Variants in TRAPPC9 observed in about 807,000 individuals in gnomAD.
TRAPPC9 encodes the protein IKK2 binding protein.
In TRAPPC9, 83 loss-of-function variants were observed where a neutral mutation model predicts 124.0. The observed-to-expected ratio is 0.67, with a 90% confidence interval of 0.56 to 0.80. The LOEUF (loss-of-function observed/expected upper bound fraction) is 0.80. Among genes scored for constraint, TRAPPC9 ranks in the 30% least tolerant of loss-of-function variants. The pLI is 0.00. For missense variants in TRAPPC9, 1,302 were observed against 1,508.3 expected, an observed-to-expected ratio of 0.86 and a Z score of 2.27; for synonymous variants, 638 against 617.5, an observed-to-expected ratio of 1.03 and a Z score of -0.49.
At chr8:139,841,874 A>G (rs894317512) in intron 21 of TRAPPC9, among the ~76,000 whole-genome samples, 13 of 152,220 alleles carry the variant, frequency 8.5e-5, no homozygotes, top group Non-Finnish European at 1.6e-4. Flanking sequence ...TGCACAACAC[A>G]GGGAACTTCT....
At chr8:139,874,346 T>G (rs751307) in intron 21 of TRAPPC9, among the ~76,000 whole-genome samples, 56,197 of 152,116 alleles carry the variant, frequency 0.37, 10,855 homozygotes, top group East Asian at 0.66. Flanking sequence ...CAGCAAACCC[T>G]TACTGAGCAC....
Position 139,847,348 on chromosome 8 carries a change from T to A in TRAPPC9, c.3055+38531A>T, listed in dbSNP as rs534407585. ...ACCAATTTCCATCCTGGCTGAGGGA[T>A]GGAATCAATGCAATTAATTCAGTCA... On this transcript the variant is annotated intron_variant, in intron 21 of 22. Transcript: ENST00000438773. Among the ~76,000 whole-genome samples the A allele has an allele frequency of 3.9e-5, 6 of 152,364 alleles. 1 individual carries two copies. The Middle Eastern group carries it at 0.014, about 345-fold the overall frequency.
At chr8:140,223,224 T>C (rs559482837) in intron 16 of TRAPPC9, among the ~76,000 whole-genome samples, 1 of 152,274 alleles carries the variant, frequency 6.6e-6, no homozygotes, top group Admixed American at 6.5e-5. Flanking sequence ...CCTGTGTCCA[T>C]GTGTTCTCAT....
chr8:140,279,974 G>A (rs1476115959), intron 14 of TRAPPC9, among the ~76,000 whole-genome samples: 1 of 152,186 alleles, frequency 6.6e-6, no homozygotes, highest in Non-Finnish European at 1.5e-5. Flanking sequence ...TGGAGCGCTG[G>A]CCGGAGCTTG....
intron 5 of TRAPPC9, among the ~76,000 whole-genome samples, chr8:140,416,645 C>A (rs148919319): frequency 0.043 from 6,476 of 152,116 alleles, 303 homozygotes; most frequent in African/African-American, 0.11. Flanking sequence ...CATACTGCCC[C>A]AAGTAATTTA....
At chr8:140,348,631 T>C (rs1209968112) in intron 9 of TRAPPC9, among the ~76,000 whole-genome samples, 1 of 152,176 alleles carries the variant, frequency 6.6e-6, no homozygotes, top group Non-Finnish European at 1.5e-5. Flanking sequence ...AAAAAGCATG[T>C]ATTATTAATG....
intron 15 of TRAPPC9, among the ~76,000 whole-genome samples, chr8:140,272,135 G>GTGA (rs1243464840): frequency 7.0e-6 from 1 of 143,180 alleles, no homozygotes; most frequent in African/African-American, 2.9e-5. Context: ...GGTGGCGATG[G>GTGA]TGATGGTGAT....
chr8:140,210,871 C>G (rs144984543), intron 17 of TRAPPC9, among the ~76,000 whole-genome samples: 2,957 of 152,334 alleles, frequency 0.019, 37 homozygotes, highest in Middle Eastern at 0.034. Flanking sequence ...CAAGGAGTAA[C>G]TGGCATAATA....
At chr8:140,279,893 C>T (rs998790887) in intron 14 of TRAPPC9, among the ~76,000 whole-genome samples, 6 of 152,192 alleles carry the variant, frequency 3.9e-5, no homozygotes, top group African/African-American at 1.4e-4. Flanking sequence ...TACCTCTTCT[C>T]AAGTTATTTT....
intron 15 of TRAPPC9, among the ~76,000 whole-genome samples, chr8:140,271,393 C>A (rs1206342275): frequency 6.6e-6 from 1 of 152,140 alleles, no homozygotes; most frequent in Non-Finnish European, 1.5e-5. Flanking sequence ...AACTTCTGTT[C>A]ATCCAAAGCC....
intron 21 of TRAPPC9, among the ~76,000 whole-genome samples, chr8:139,748,808 G>A (rs527786391): frequency 2.2e-4 from 34 of 152,190 alleles, no homozygotes; most frequent in South Asian, 1.7e-3. Flanking sequence ...GCAGGGGGCC[G>A]CCTCCACTAA....
intron 19 of TRAPPC9, among the ~76,000 whole-genome samples, chr8:139,927,182 G>A (rs1223712213): frequency 1.3e-5 from 2 of 152,220 alleles, no homozygotes; most frequent in African/African-American, 4.8e-5. Flanking sequence ...AGTGACTGGG[G>A]TGGAAGAACG....
chr8:139,818,876 T>A (rs1410103604), intron 21 of TRAPPC9, among the ~76,000 whole-genome samples: 44 of 152,218 alleles, frequency 2.9e-4, no homozygotes, highest in Non-Finnish European at 6.5e-4. Context: ...TTCCTTGTCC[T>A]CTTCAGACAC....
intron 17 of TRAPPC9, among the ~76,000 whole-genome samples, chr8:140,085,569 T>A (rs1844134433): frequency 6.6e-6 from 1 of 152,138 alleles, no homozygotes; most frequent in Admixed American, 6.6e-5. Flanking sequence ...GAGGACTGGG[T>A]TCACTGAAGC....
At position 139,864,814 on chromosome 8, in the gene TRAPPC9, G is replaced by C. The variant is rs190951074; in HGVS notation, c.3055+21065C>G. Among the ~76,000 whole-genome samples, 606 of 152,304 alleles carry C rather than the reference G, an allele frequency of 4.0e-3. 6 individuals carry two copies. Among genetic ancestry groups the C allele is most frequent in the African/African-American group, 0.014 (587 of 41,570 alleles). Reference sequence around the variant, plus strand: ...TTGGACCCAGACTGGCTCATCTGCTGGGAACAAAGGTGTTTAATGCCAGCA... The same window carrying C: ...TTGGACCCAGACTGGCTCATCTGCTCGGAACAAAGGTGTTTAATGCCAGCA... On this transcript the variant is annotated intron_variant, in intron 21 of 22. Transcript: ENST00000438773.
chr8:140,235,992 C>G (rs1427657659), intron 16 of TRAPPC9, among the ~76,000 whole-genome samples: 1 of 151,592 alleles, frequency 6.6e-6, no homozygotes. Flanking sequence ...TGATTTCAGA[C>G]TTCTAACAGG....
At chr8:139,902,619 G>A (rs118000096) in intron 20 of TRAPPC9, among the ~76,000 whole-genome samples, 55 of 152,320 alleles carry the variant, frequency 3.6e-4, no homozygotes, top group Non-Finnish European at 6.3e-4. Context: ...CAAACATAAC[G>A]ATTAGAAAAA....
chr8:139,749,450 G>A (rs114755904), intron 21 of TRAPPC9, among the ~76,000 whole-genome samples: 2,114 of 152,304 alleles, frequency 0.014, 42 homozygotes, highest in African/African-American at 0.049. Flanking sequence ...GGGCTGAATG[G>A]TTTCAAACAG....
chr8:140,151,560 C>A (rs2061544076), intron 17 of TRAPPC9, among the ~76,000 whole-genome samples: 1 of 152,138 alleles, frequency 6.6e-6, no homozygotes, highest in South Asian at 2.1e-4. Flanking sequence ...TCCAAATGTC[C>A]CCTTTCTATG....
Sources: allele counts gnomAD v4.1 joint callset (sites outside exome capture counted in the v4.1 genomes callset), GRCh38; gene constraint gnomAD v4.1.1; transcripts MANE v1.5; gene names NCBI Gene and HGNC (gene_info 2026-07-23, HGNC 2026-07-21).